The following FSIP2 variants were observed in gnomAD, a reference collection of about 807,000 sequenced individuals.
FSIP2 encodes the protein fibrous sheath interacting protein 2.
Under a neutral mutation model 510.5 loss-of-function variants are expected in FSIP2, and 367 were observed. The ratio of observed to expected loss-of-function variants is 0.72; its 90% confidence interval spans 0.66 to 0.78. FSIP2 has a LOEUF of 0.78. Among genes scored for constraint, FSIP2 ranks in the 30% least tolerant of loss-of-function variants. The pLI, the probability that FSIP2 is intolerant of heterozygous loss-of-function variation, is 0.00. For missense variants in FSIP2, 7,594 were observed against 7,901.7 expected (o/e 0.96, Z 1.48); for synonymous variants, 2,601 against 2,732.2 (o/e 0.95, Z 1.50).
chr2:185,830,453 A>T (rs1038216944), intron 21 of FSIP2, among the ~76,000 whole-genome samples: 5 of 151,868 alleles, frequency 3.3e-5, no homozygotes, highest in African/African-American at 1.2e-4. Context: ...GCTGTAGGGG[A>T]TTGGTTCCAG....
chr2:185,793,158 A>G lies in FSIP2; in HGVS notation c.6022A>G (p.Arg2008Gly). ...AAATACTTATGCACTACAAGTGGCT[A>G]GAAGAAATTTACAAGGAATCAAACA... ...KLNTYALQVA[R>G]RNLQGIKQEL... The change falls in exon 16 of 23, where the codon AGA becomes GGA. Residue 2008 changes from arginine (R) to glycine (G), a missense_variant. Transcript: ENST00000424728. The G allele has an allele frequency of 6.5e-7, 1 of 1,534,256 alleles. No homozygotes were observed. The highest frequency in any genetic ancestry group is 1.7e-4 in the Middle Eastern group (1 of 5,978).
At position 185,789,547 on chromosome 2, in the gene FSIP2, C is replaced by CTT. The variant is rs1197721202; in HGVS notation, c.2413_2414dup (p.Leu805PhefsTer2). 6.5e-7 allele frequency: 1 copy of CTT among 1,534,562 alleles called. No homozygotes were observed. Among genetic ancestry groups the CTT allele is most frequent in the African/African-American group, 1.4e-5 (1 of 72,924 alleles). ...CTTCTCACATCATCTAATGGAAAAC[C>CTT]TTTGAAAAATTCAATGCCTCATACT... is the stretch of plus-strand genomic sequence containing the variant. On this transcript the variant is annotated frameshift_variant, in exon 16 of 23. Transcript: ENST00000424728. LOFTEE classifies it high-confidence loss of function.
Position 185,833,243 on chromosome 2 carries a change from A to G in FSIP2, c.*17A>G. Reference sequence around the variant, plus strand: ...GAACACTGAAGCTTTTGTACCTGATATAAGTATGCTTACTTCTTTTAGAAA... The same window carrying G: ...GAACACTGAAGCTTTTGTACCTGATGTAAGTATGCTTACTTCTTTTAGAAA... On this transcript the variant is annotated 3_prime_UTR_variant, in exon 23 of 23. Coordinates refer to ENST00000424728, the MANE Select transcript of FSIP2 (RefSeq NM_173651.4). 6.3e-7 allele frequency: 1 copy of G among 1,585,162 alleles called. No homozygotes were observed. The highest frequency in any genetic ancestry group is 8.6e-7 in the Non-Finnish European group (1 of 1,165,758).
intron 18 of FSIP2, among the ~76,000 whole-genome samples, chr2:185,814,947 C>A (rs913410951): frequency 6.6e-6 from 1 of 151,924 alleles, no homozygotes; most frequent in African/African-American, 2.4e-5. Context: ...CTGGTCAATT[C>A]AGAAGCACAC....
At chr2:185,787,644 G>A (rs1019428) in intron 15 of FSIP2, among the ~76,000 whole-genome samples, 82,486 of 151,454 alleles carry the variant, frequency 0.54, 22,709 homozygotes, top group South Asian at 0.64. Flanking sequence ...AAATATATTT[G>A]CAGTTGCTAA....
intron 14 of FSIP2, among the ~76,000 whole-genome samples, 173 bp downstream of exon 14, chr2:185,782,935 G>GAATC (rs1311159826): frequency 1.3e-5 from 2 of 152,136 alleles, no homozygotes; most frequent in East Asian, 1.9e-4. Context: ...TAGACAAAGT[G>GAATC]AATCATTGTC....
chr2:185,825,692 T>C (rs1288768525), intron 20 of FSIP2, among the ~76,000 whole-genome samples: 3 of 151,846 alleles, frequency 2.0e-5, no homozygotes, highest in Admixed American at 6.6e-5. Context: ...CTTTTAGTAA[T>C]ATCACAGGTG....
rs965164593 is a variant in FSIP2, at chr2:185,792,450, C to T, written c.5314C>T (p.Pro1772Ser). ...LNKIEVKLKE[P>S]HISPIAPIIR... ...CAAAATTGAAGTAAAACTCAAAGAA[C>T]CACATATATCTCCAATTGCTCCCAT... The change falls in exon 16 of 23, where the codon CCA becomes TCA. Residue 1772 changes from proline (P) to serine (S), a missense_variant. Pro to Ser is a moderately conservative substitution (Grantham distance 74, BLOSUM62 -1). Coordinates refer to ENST00000424728, the MANE Select transcript of FSIP2 (RefSeq NM_173651.4). 1 of 1,531,734 alleles carries T rather than the reference C, an allele frequency of 6.5e-7. No homozygotes were observed. The highest frequency in any genetic ancestry group is 8.7e-7 in the Non-Finnish European group (1 of 1,143,438). 94.9% of individuals were successfully genotyped at this position (1,531,734 alleles called of 1,614,324 possible).
At chr2:185,755,859 T>C (rs1343041688) in intron 8 of FSIP2, among the ~76,000 whole-genome samples, 1 of 151,624 alleles carries the variant, frequency 6.6e-6, no homozygotes, top group Non-Finnish European at 1.5e-5. Context: ...CAGCAGTCAC[T>C]GTGGACTGCT....
chr2:185,800,116 T>C lies in FSIP2; in HGVS notation c.10810T>C (p.Phe3604Leu). Residue 3604 changes from phenylalanine to leucine, a missense_variant, in exon 17 of 23, where the codon TTT becomes CTT. By Grantham distance (22) the Phe-to-Leu change is conservative. Transcript: ENST00000424728. ...AGTTTCTGGTGGCTTTGATGACCTC[T>C]TTCAGGATCTCTTAGTAGGAGTGAT... is the stretch of plus-strand genomic sequence containing the variant. ...GIVSGGFDDLFQDLLVGVIHV... is the reference protein window; with the variant it reads ...GIVSGGFDDLLQDLLVGVIHV... 1 of 1,534,188 alleles carries C rather than the reference T, an allele frequency of 6.5e-7. No homozygotes were observed. The highest frequency in any genetic ancestry group is 8.7e-7 in the Non-Finnish European group (1 of 1,145,630).
At chr2:185,830,481 A>G (rs1167891035) in intron 21 of FSIP2, among the ~76,000 whole-genome samples, 2 of 151,900 alleles carry the variant, frequency 1.3e-5, no homozygotes, top group Non-Finnish European at 2.9e-5. Flanking sequence ...CAAAGATATC[A>G]AAATTCAGGG....
chr2:185,818,298 T>C (rs897100042), intron 19 of FSIP2, among the ~76,000 whole-genome samples: 1 of 151,558 alleles, frequency 6.6e-6, no homozygotes, highest in African/African-American at 2.4e-5. Flanking sequence ...GGAAAAAAGA[T>C]TGAAAAAAAA....
In FSIP2 at chr2:185,803,574, T is replaced by A. The variant is rs904072898; in HGVS notation, c.14268T>A (p.His4756Gln). 4 of 1,532,468 alleles carry A rather than the reference T, an allele frequency of 2.6e-6. No individual in the cohort carries two copies. Among genetic ancestry groups the A allele is most frequent in the African/African-American group, 1.4e-5 (1 of 72,790 alleles). 94.9% of individuals were successfully genotyped at this position (1,532,468 alleles called of 1,614,324 possible). The part of the protein sequence containing the change: ...DLIANLPFKS[H>Q]SKLSANVLIQ... ...TAGCAAATCTGCCTTTTAAATCACA[T>A]TCCAAACTCAGTGCAAATGTTTTAA... is the stretch of plus-strand genomic sequence containing the variant. The change falls in exon 17 of 23, where the codon CAT (histidine) becomes CAA (glutamine). Residue 4756 changes from histidine to glutamine, a missense_variant. Coordinates refer to ENST00000424728, the MANE Select transcript of FSIP2 (RefSeq NM_173651.4).
chr2:185,785,011 C>T (rs535414019), intron 14 of FSIP2, among the ~76,000 whole-genome samples: 4 of 152,140 alleles, frequency 2.6e-5, no homozygotes, highest in African/African-American at 7.2e-5. Context: ...TTTGCACTTT[C>T]GTGCTGTTTG....
In FSIP2 at chr2:185,772,005, C is replaced by T. The variant is rs576494328; in HGVS notation, c.1411+7440C>T. On this transcript the variant is annotated intron_variant, in intron 13 of 22. Coordinates refer to ENST00000424728, the MANE Select transcript of FSIP2 (RefSeq NM_173651.4). ...TAAGACATCACTCTTTAAGTTCAACCTTCCACAAATGCCCAGGACATGGAC... is the reference window on the plus strand; with the variant it reads ...TAAGACATCACTCTTTAAGTTCAACTTTCCACAAATGCCCAGGACATGGAC... Among the ~76,000 whole-genome samples the T allele has an allele frequency of 2.6e-5, 4 of 152,276 alleles. No homozygotes were observed. In the South Asian group the frequency reaches 6.2e-4, roughly 24 times the overall value.
intron 13 of FSIP2, chr2:185,764,816 C>CCTG: frequency 2.9e-6 from 1 of 342,672 alleles, no homozygotes; most frequent in Non-Finnish European, 5.3e-6. Flanking sequence ...ATGCATAGAC[C>CCTG]TATCTAGGGT....
chr2:185,743,149 A>G lies in FSIP2; in HGVS notation c.242A>G (p.Tyr81Cys). 2.0e-6 allele frequency: 3 copies of G among 1,487,218 alleles called. No homozygotes were observed. The highest frequency in any genetic ancestry group is 1.3e-5 in the South Asian group (1 of 74,956). The allele number at this position is 1,487,218 out of a possible 1,614,324, so 92.1% of individuals were successfully genotyped here. A position where few individuals can be genotyped will look rare whatever the true frequency, so the allele number is the denominator to read the frequency against. The part of the protein sequence containing the change: ...NFGEKLFRPS[Y>C]GFNLTDPYCR... ...TGTTTGCAGCTTTTTCGACCTTCTT[A>G]TGGTTTTAACCTGACTGATCCCTAT... Residue 81 changes from tyrosine (Y) to cysteine (C), a missense_variant, in exon 3 of 23, where the codon TAT becomes TGT. Transcript: ENST00000424728.
intron 21 of FSIP2, 21 bp from the exon 22 acceptor site, chr2:185,831,792 T>C: frequency 1.3e-6 from 2 of 1,555,298 alleles, no homozygotes; most frequent in South Asian, 2.2e-5. Context: ...ACTCAGTTTG[T>C]ATTTCAATTT....
rs770546083 is a variant in FSIP2 at position 185,803,525 on chromosome 2, A to G, written c.14219A>G (p.Asp4740Gly). The G allele has an allele frequency of 1.3e-6, 2 of 1,532,864 alleles. No homozygotes were observed. Among genetic ancestry groups the G allele is most frequent in the South Asian group, 1.2e-5 (1 of 83,844 alleles). The allele number at this position is 1,532,864 out of a possible 1,614,324, so 95.0% of individuals were successfully genotyped here. The part of the protein sequence containing the change: ...ITNIILAEIF[D>G]FQIHPDLIAN... ...AATATCATCCTGGCTGAAATTTTTG[A>G]TTTCCAAATTCATCCAGATCTTATA... Residue 4740 changes from aspartate to glycine, a missense_variant, in exon 17 of 23, where the codon GAT (aspartate) becomes GGT (glycine). Transcript: ENST00000424728.
Sources: allele counts gnomAD v4.1 joint callset (sites outside exome capture counted in the v4.1 genomes callset), GRCh38; gene constraint gnomAD v4.1.1; transcripts MANE v1.5; gene names NCBI Gene and HGNC (gene_info 2026-07-23, HGNC 2026-07-21).